NDUFAF6: variants seen among roughly 807,000 people sequenced by gnomAD.
NDUFAF6 encodes the protein NADH:ubiquinone oxidoreductase complex assembly factor 6.
In NDUFAF6, 45 loss-of-function variants were observed where a neutral mutation model predicts 40.8. That is an observed-to-expected ratio of 1.10 (90% CI 0.87 to 1.42). NDUFAF6 has a LOEUF of 1.42. Among genes scored for constraint, NDUFAF6 ranks in the 40% most tolerant of loss-of-function variants. The pLI, the probability that NDUFAF6 is intolerant of heterozygous loss-of-function variation, is 0.00. For missense variants in NDUFAF6, 435 were observed against 418.5 expected (o/e 1.04, Z -0.34); for synonymous variants, 185 against 155.9 (o/e 1.19, Z -1.39).
At chr8:95,009,072 T>A (rs1031624323) in intron 2 of NDUFAF6, among the ~76,000 whole-genome samples, 1 of 151,944 alleles carries the variant, frequency 6.6e-6, no homozygotes, top group Non-Finnish European at 1.5e-5. Flanking sequence ...TGGTGGCACA[T>A]GCCTGTAGTT....
intron 2 of NDUFAF6, among the ~76,000 whole-genome samples, chr8:95,005,217 G>A (rs1174689810): frequency 3.9e-5 from 6 of 151,926 alleles, no homozygotes; most frequent in Admixed American, 1.3e-4. Flanking sequence ...GATATAGGCC[G>A]AACGTACAGT....
rs771414511 is a variant in NDUFAF6, at chr8:95,036,379, A to G, written c.420+803A>G. On this transcript the variant is annotated intron_variant, in intron 3 of 8. Transcript: ENST00000396124. ...GGTACACCTCTTCTCAGGTCTGCACACCAGCAGAGGCAGGCCCAGTTTCTG... is the reference window on the plus strand; with the variant it reads ...GGTACACCTCTTCTCAGGTCTGCACGCCAGCAGAGGCAGGCCCAGTTTCTG... The G allele has an allele frequency of 6.2e-6, 8 of 1,289,238 alleles. No individual in the cohort carries two copies. The South Asian group carries it at 8.6e-5, about 14-fold the overall frequency. The allele number at this position is 1,289,238 out of a possible 1,614,324, so 79.9% of individuals were successfully genotyped here.
In NDUFAF6 at chr8:95,115,486, T is replaced by C. The variant is rs546817001; in HGVS notation, n.345-50T>C. 2.0e-5 allele frequency: 3 copies of C among 152,256 alleles called. No homozygotes were observed. In the East Asian group the frequency reaches 5.8e-4, roughly 29 times the overall value. 9.4% of individuals were successfully genotyped at this position (152,256 alleles called of 1,614,324 possible). A position where few individuals can be genotyped will look rare whatever the true frequency, so the allele number is the denominator to read the frequency against. ...TAACAGGAGAAGGAAGAGTCTTGCT[T>C]CTCTGATTGAAAACTGTTTCTCCAT... On this transcript the variant is annotated intron_variant and non_coding_transcript_variant, in intron 4 of 5. Coordinates refer to the NDUFAF6 transcript ENST00000523184.
chr8:95,082,647 GTTTGT>G lies in NDUFAF6; in HGVS notation n.213+6919_213+6923del, dbSNP rs528649760. Among the ~76,000 whole-genome samples, 1,228 of 151,780 alleles carry G rather than the reference GTTTGT, an allele frequency of 8.1e-3. 8 individuals are homozygous for G. The highest frequency in any genetic ancestry group is 0.024 in the African/African-American group (1,007 of 41,276). ...TAGCATTCTTTTTGTTTGTTTGTTT[GTTTGT>G]TTTGTTTTGTTTTGTTTTGTTTTTT... On this transcript the variant is annotated intron_variant and non_coding_transcript_variant, in intron 2 of 5. Transcript: ENST00000523184.
chr8:94,969,829 A>G (rs1018561238), intron 1 of NDUFAF6, among the ~76,000 whole-genome samples: 2 of 152,230 alleles, frequency 1.3e-5, no homozygotes, highest in East Asian at 3.8e-4. Flanking sequence ...ATGCAAATTG[A>G]TAAGAAAAAT....
chr8:95,101,417 C>T (rs961969648), intron 2 of NDUFAF6, among the ~76,000 whole-genome samples: 6 of 152,156 alleles, frequency 3.9e-5, no homozygotes, highest in Admixed American at 6.5e-5. Context: ...CTGAGAGTGG[C>T]GGGCACTCCT....
intron 1 of NDUFAF6, among the ~76,000 whole-genome samples, chr8:94,921,522 A>T (rs1819501864): frequency 6.6e-6 from 1 of 152,316 alleles, no homozygotes; most frequent in Middle Eastern, 3.4e-3. Context: ...GAAAATTGGG[A>T]TACTGTTATC....
intron 2 of NDUFAF6, among the ~76,000 whole-genome samples, chr8:95,006,247 A>G (rs1826973059): frequency 6.6e-6 from 1 of 151,204 alleles, no homozygotes; most frequent in Non-Finnish European, 1.5e-5. Context: ...AATCCCAGCT[A>G]CTCAGGAGGC....
intron 6 of NDUFAF6, 89 bp downstream of exon 6, chr8:95,047,216 G>C (rs1830877088): frequency 6.4e-7 from 1 of 1,563,860 alleles, no homozygotes; most frequent in Non-Finnish European, 8.8e-7. Flanking sequence ...GTCTATTCAA[G>C]TAATTGCTTT....
At chr8:95,031,847 C>T (rs1362602752) in intron 1 of NDUFAF6, 148 bp from the exon 2 acceptor site, 13 of 704,924 alleles carry the variant, frequency 1.8e-5, no homozygotes, top group Admixed American at 4.2e-5. Context: ...GTGATCCGCC[C>T]GCCTTGGCCT....
At chr8:95,100,508 A>G (rs995391333) in exon 1 of NDUFAF6, 30 of 152,164 alleles carry the variant, frequency 2.0e-4, no homozygotes, top group African/African-American at 6.5e-4. Context: ...GCCTTTGAAT[A>G]TACTGTGTTA....
chr8:95,116,295 C>T (rs1810135425), exon 6 of NDUFAF6: 1 of 148,298 alleles, frequency 6.7e-6, no homozygotes, highest in African/African-American at 2.5e-5. Flanking sequence ...ATTTGTTCTT[C>T]AGCCATGATC....
chr8:95,052,202 T>G lies in NDUFAF6; in HGVS notation c.845T>G (p.Val282Gly). Reference sequence around the variant, plus strand: ...AGGTCCTTTCACAAAACTGTTCCTGTGAAAGCATTTCCTGCTTTTCTTCAG... The same window carrying G: ...AGGTCCTTTCACAAAACTGTTCCTGGGAAAGCATTTCCTGCTTTTCTTCAG... Reference protein sequence around the residue: ...HARSFHKTVPVKAFPAFLQTV... With the variant: ...HARSFHKTVPGKAFPAFLQTV... Residue 282 changes from valine (V) to glycine (G), a missense_variant, in exon 8 of 9, where the codon GTG becomes GGG. By Grantham distance (109) the Val-to-Gly change is moderately radical. Transcript: ENST00000396124. 2 of 1,614,156 alleles carry G rather than the reference T, an allele frequency of 1.2e-6. No homozygotes were observed. Among genetic ancestry groups the G allele is most frequent in the South Asian group, 1.1e-5 (1 of 91,086 alleles).
intron 1 of NDUFAF6, among the ~76,000 whole-genome samples, chr8:94,900,325 A>G (rs954539619): frequency 6.6e-6 from 1 of 151,766 alleles, no homozygotes. Flanking sequence ...AGAGTTTTGC[A>G]GCTGGCACCT....
At chr8:95,069,155 C>T (rs1033532177) in intron 9 of NDUFAF6, 3 of 151,894 alleles carry the variant, frequency 2.0e-5, no homozygotes, top group East Asian at 3.9e-4. Flanking sequence ...TATTCACTCA[C>T]TGTTCATTTA....
At chr8:94,971,963 C>G (rs1387133654) in intron 1 of NDUFAF6, among the ~76,000 whole-genome samples, 1 of 152,068 alleles carries the variant, frequency 6.6e-6, no homozygotes, top group East Asian at 1.9e-4. Flanking sequence ...AAAATTCTGA[C>G]TCATCTGCAA....
intron 4 of NDUFAF6, among the ~76,000 whole-genome samples, chr8:95,042,016 A>T (rs1159343395): frequency 6.6e-6 from 1 of 152,396 alleles, no homozygotes; most frequent in East Asian, 1.9e-4. Flanking sequence ...GACAAAAAAC[A>T]TAGCCATGAT....
chr8:94,962,074 C>T (rs1005648392), intron 1 of NDUFAF6, among the ~76,000 whole-genome samples: 13 of 152,176 alleles, frequency 8.5e-5, no homozygotes, highest in African/African-American at 1.4e-4. Context: ...GACATAGTTC[C>T]GGCCAATGAG....
chr8:95,105,066 C>CAGAGAG (rs55705930), downstream of NDUFAF6, among the ~76,000 whole-genome samples: 196 of 72,874 alleles, frequency 2.7e-3, 1 homozygote, highest in Non-Finnish European at 5.1e-3. Flanking sequence ...CACACACACA[C>CAGAGAG]AGAGAGAGAG....
Sources: allele counts gnomAD v4.1 joint callset (sites outside exome capture counted in the v4.1 genomes callset), GRCh38; gene constraint gnomAD v4.1.1; transcripts MANE v1.5; gene names NCBI Gene and HGNC (gene_info 2026-07-23, HGNC 2026-07-21).